The following CDIN1 variants were observed in gnomAD, a reference collection of about 807,000 sequenced individuals.
CDIN1 encodes the protein CDAN1 interacting nuclease 1.
A neutral mutation model predicts 45.3 loss-of-function variants in CDIN1; 33 were observed. That is an observed-to-expected ratio of 0.73 (90% CI 0.55 to 0.97). The LOEUF is 0.97. Among genes scored for constraint, CDIN1 ranks in the 50% least tolerant of loss-of-function variants. CDIN1 has a pLI of 0.00. For synonymous variants in CDIN1, 118 were observed against 124.4 expected (o/e 0.95, Z 0.34); for missense variants, 303 against 339.4 (o/e 0.89, Z 0.84).
intron 5 of CDIN1, among the ~76,000 whole-genome samples, chr15:36,664,600 G>A (rs1190771965): frequency 6.6e-6 from 1 of 151,970 alleles, no homozygotes; most frequent in Admixed American, 6.6e-5. Context: ...AGGCTGGAGT[G>A]CAGTGGCACA....
At chr15:36,709,411 T>A (rs2042978320) in intron 9 of CDIN1, 123 bp downstream of exon 9, 1 of 606,296 alleles carries the variant, frequency 1.6e-6, no homozygotes, top group African/African-American at 1.9e-5. Context: ...AATGTTACTT[T>A]TAAACAGCAG....
At chr15:36,651,152 T>C (rs1034420477) in intron 3 of CDIN1, among the ~76,000 whole-genome samples, 1 of 152,202 alleles carries the variant, frequency 6.6e-6, no homozygotes, top group Non-Finnish European at 1.5e-5. Context: ...TGAATTCTCC[T>C]GGGCATTAGG....
chr15:36,654,417 A>T (rs536171986), intron 4 of CDIN1, among the ~76,000 whole-genome samples: 1 of 152,100 alleles, frequency 6.6e-6, no homozygotes, highest in South Asian at 2.1e-4. Context: ...TATTTTGTGG[A>T]AAATTTCAAC....
chr15:36,786,735 T>C (rs1002177362), intron 10 of CDIN1, among the ~76,000 whole-genome samples: 2 of 152,182 alleles, frequency 1.3e-5, no homozygotes, highest in African/African-American at 2.4e-5. Context: ...GGGTCCCTAC[T>C]TCCTCATGTC....
chr15:36,657,866 A>C lies in CDIN1; in HGVS notation c.307A>C (p.Ile103Leu). The C allele has an allele frequency of 6.2e-7, 1 of 1,612,046 alleles. No homozygotes were observed. Among genetic ancestry groups the C allele is most frequent in the Non-Finnish European group, 8.5e-7 (1 of 1,179,026 alleles). ...DYAPSLMARL[I>L]LERFLQEHEE... Reference sequence around the variant, plus strand: ...TGCGCCCTCATTAATGGCTCGGCTTATACTGGAGAGGTTTCTACAGGAACA... The same window carrying C: ...TGCGCCCTCATTAATGGCTCGGCTTCTACTGGAGAGGTTTCTACAGGAACA... The change falls in exon 5 of 11, where the codon ATA becomes CTA. Residue 103 changes from isoleucine (I) to leucine (L), a missense_variant. Physicochemically the swap from Ile to Leu is conservative, Grantham distance 5. Transcript: ENST00000566621.
chr15:36,656,144 C>T, intron 4 of CDIN1, among the ~76,000 whole-genome samples: 1 of 152,108 alleles, frequency 6.6e-6, no homozygotes, highest in Non-Finnish European at 1.5e-5. Flanking sequence ...CATATTATAG[C>T]TTCTAAACAA....
At chr15:36,635,901 T>C (rs2039879278) in intron 1 of CDIN1, among the ~76,000 whole-genome samples, 1 of 151,628 alleles carries the variant, frequency 6.6e-6, no homozygotes, top group African/African-American at 2.4e-5. Context: ...CACAAGAAAA[T>C]ACCGGAATGT....
At chr15:36,763,442 A>G (rs1047501215) in intron 10 of CDIN1, among the ~76,000 whole-genome samples, 1 of 152,146 alleles carries the variant, frequency 6.6e-6, no homozygotes, top group Non-Finnish European at 1.5e-5. Flanking sequence ...AGGACTTTCT[A>G]GGACAGCTGT....
chr15:36,764,549 T>G (rs1386479481), intron 10 of CDIN1, among the ~76,000 whole-genome samples: 2 of 152,240 alleles, frequency 1.3e-5, no homozygotes, highest in African/African-American at 4.8e-5. Context: ...TGTTTGTTTA[T>G]TCCCTGCCCC....
At chr15:36,600,313 C>T (rs912117492) in intron 1 of CDIN1, among the ~76,000 whole-genome samples, 1 of 152,056 alleles carries the variant, frequency 6.6e-6, no homozygotes, top group Non-Finnish European at 1.5e-5. Flanking sequence ...GTGTGGAGTC[C>T]CAGAACATTT....
At chr15:36,675,833 G>A (rs2041629020) in intron 5 of CDIN1, among the ~76,000 whole-genome samples, 1 of 152,054 alleles carries the variant, frequency 6.6e-6, no homozygotes, top group African/African-American at 2.4e-5. Context: ...TCTTGAAACC[G>A]CTGCAAAAAT....
intron 1 of CDIN1, among the ~76,000 whole-genome samples, chr15:36,643,758 C>A (rs775961108): frequency 1.7e-4 from 26 of 152,272 alleles, no homozygotes; most frequent in East Asian, 5.8e-4. Flanking sequence ...TTTCATAGCA[C>A]GCCAGTATCG....
intron 10 of CDIN1, among the ~76,000 whole-genome samples, chr15:36,725,853 TAA>T (rs11318396): frequency 1.3e-5 from 2 of 151,266 alleles, no homozygotes; most frequent in African/African-American, 4.9e-5. Flanking sequence ...CTAAGTGCTT[TAA>T]AAAAAAATAC....
At chr15:36,710,896 C>T (rs1372309252) in intron 10 of CDIN1, among the ~76,000 whole-genome samples, 3 of 152,140 alleles carry the variant, frequency 2.0e-5, no homozygotes, top group African/African-American at 7.2e-5. Flanking sequence ...GGCCAGTGGA[C>T]CTCGCCTGTG....
At chr15:36,598,596 T>G (rs1306316646) in intron 1 of CDIN1, among the ~76,000 whole-genome samples, 1 of 152,090 alleles carries the variant, frequency 6.6e-6, no homozygotes, top group East Asian at 1.9e-4. Context: ...ATAAAACATT[T>G]TAGGAGAAAA....
At chr15:36,589,726 G>C (rs888786362) in intron 1 of CDIN1, among the ~76,000 whole-genome samples, 2 of 152,086 alleles carry the variant, frequency 1.3e-5, no homozygotes, top group African/African-American at 2.4e-5. Context: ...GGATGGTCTC[G>C]ATCTCCTGAC....
At chr15:36,648,872 C>G (rs1460530039) in intron 3 of CDIN1, 1 of 152,080 alleles carries the variant, frequency 6.6e-6, no homozygotes, top group Non-Finnish European at 1.5e-5. Context: ...TACATATTGC[C>G]AAACTACTGT....
At chr15:36,800,905 G>GTATATATA (rs1437486563) in intron 10 of CDIN1, among the ~76,000 whole-genome samples, 283 of 21,900 alleles carry the variant, frequency 0.013, 2 homozygotes, top group East Asian at 0.028. Context: ...GTGTGTGTGT[G>GTATATATA]TGTGTATATA....
chr15:36,699,564 A>C (rs41465054), intron 8 of CDIN1, among the ~76,000 whole-genome samples: 13,205 of 152,182 alleles, frequency 0.087, 682 homozygotes, highest in Non-Finnish European at 0.12. Context: ...ACTGCATTCA[A>C]AAGACAAATA....
Sources: allele counts gnomAD v4.1 joint callset (sites outside exome capture counted in the v4.1 genomes callset), GRCh38; gene constraint gnomAD v4.1.1; transcripts MANE v1.5; gene names NCBI Gene and HGNC (gene_info 2026-07-23, HGNC 2026-07-21).